Variants in TMOD3 observed in about 807,000 individuals in gnomAD.
TMOD3 encodes tropomodulin-3.
In TMOD3, 20 loss-of-function variants were observed where a neutral mutation model predicts 39.2. The observed-to-expected ratio is 0.51, with a 90% CI of 0.36 to 0.74. The LOEUF is 0.74. Ranked by LOEUF, TMOD3 falls within the 30% of genes least tolerant of loss-of-function variation. TMOD3 has a pLI of 0.00. For missense variants in TMOD3, 381 were observed against 412.8 expected (o/e 0.92, Z 0.67); for synonymous variants, 143 against 145.8 (o/e 0.98, Z 0.14).
At chr15:51,860,668 G>A in intron 1 of TMOD3, 1 of 493,218 alleles carries the variant, frequency 2.0e-6, no homozygotes, top group South Asian at 1.5e-5. Flanking sequence ...AGGCACGGTG[G>A]CTCATGCCTG....
At chr15:51,836,155 C>A (rs577489491) in intron 1 of TMOD3, among the ~76,000 whole-genome samples, 19 of 152,310 alleles carry the variant, frequency 1.2e-4, no homozygotes, top group Admixed American at 1.0e-3. Flanking sequence ...ATAATTCGCA[C>A]ACCATACAAT....
chr15:51,848,104 G>A (rs768834261), intron 1 of TMOD3, among the ~76,000 whole-genome samples: 2 of 152,176 alleles, frequency 1.3e-5, no homozygotes, highest in Non-Finnish European at 2.9e-5. Context: ...ATCTGCTGGT[G>A]TCTTATTGGA....
chr15:51,869,161 G>A (rs2056461940), intron 2 of TMOD3, 56 bp from the exon 3 acceptor site: 2 of 1,568,872 alleles, frequency 1.3e-6, no homozygotes, highest in Non-Finnish European at 1.7e-6. Flanking sequence ...ATCTTCGGAA[G>A]CATATAGCAT....
At chr15:51,895,399 T>C (rs778888231) in intron 6 of TMOD3, among the ~76,000 whole-genome samples, 17 of 150,682 alleles carry the variant, frequency 1.1e-4, no homozygotes, top group Non-Finnish European at 2.4e-4. Flanking sequence ...TTTGTATTTT[T>C]AGTAGAGATG....
At chr15:51,830,282 C>T (rs1457346027) in intron 1 of TMOD3, among the ~76,000 whole-genome samples, 1 of 152,162 alleles carries the variant, frequency 6.6e-6, no homozygotes, top group Non-Finnish European at 1.5e-5. Context: ...ACTTAGGGCA[C>T]ACCCTTTTTG....
Position 51,913,956 on chromosome 15 carries a change from T to G in TMOD3, c.*5146T>G, listed in dbSNP as rs1344522236. 1 of 141,854 alleles carries G rather than the reference T, an allele frequency of 7.0e-6. No individual in the cohort carries two copies. The highest frequency in any genetic ancestry group is 1.5e-5 in the Non-Finnish European group (1 of 66,832). The allele number at this position is 141,854 out of a possible 1,614,324, so 8.8% of individuals were successfully genotyped here. ...TGAGCCTAGGAGGTGGAGGTTGCAG[T>G]AAGATGAGATCATGCTGCTGTACTC... On this transcript the variant is annotated 3_prime_UTR_variant, in exon 10 of 10. Transcript: ENST00000308580.
chr15:51,879,909 C>G (rs2056524680), intron 3 of TMOD3, among the ~76,000 whole-genome samples: 1 of 127,562 alleles, frequency 7.8e-6, no homozygotes, highest in African/African-American at 2.9e-5. Context: ...ATTCTAGGAG[C>G]AACAAGAATA....
chr15:51,845,085 A>G (rs534932897), intron 1 of TMOD3, among the ~76,000 whole-genome samples: 1 of 152,296 alleles, frequency 6.6e-6, no homozygotes, highest in East Asian at 1.9e-4. Context: ...AGGGCAAGTC[A>G]GTATTTTTTT....
chr15:51,866,995 A>G (rs2056450189), intron 2 of TMOD3, among the ~76,000 whole-genome samples: 1 of 152,214 alleles, frequency 6.6e-6, no homozygotes, highest in African/African-American at 2.4e-5. Context: ...AATGAGTTGC[A>G]AAAAGGGATA....
Position 51,854,687 on chromosome 15 carries a change from C to T in TMOD3, c.-74-8124C>T, listed in dbSNP as rs571812984. Among the ~76,000 whole-genome samples the T allele has an allele frequency of 4.6e-5, 7 of 152,270 alleles. No individual in the cohort carries two copies. The East Asian group carries it at 1.4e-3, about 29-fold the overall frequency. ...CTTTTAAAGGAAAAAAGCTGTCGGG[C>T]CTCCTAGTGTTAATTGACAATCAAA... On this transcript the variant is annotated intron_variant, in intron 1 of 9. Transcript: ENST00000308580.
intron 7 of TMOD3, among the ~76,000 whole-genome samples, chr15:51,898,308 C>T (rs568743971): frequency 6.6e-6 from 1 of 152,312 alleles, no homozygotes; most frequent in Non-Finnish European, 1.5e-5. Flanking sequence ...TGTCTTATCA[C>T]TTTGACTCTT....
rs1349147544 is a variant in TMOD3 at position 51,912,080 on chromosome 15, C to G, written c.*3270C>G. ...AATTGTTTTCCAGTTGACCGAGTATCTGTTGTGTTTTTGTTTAAAAAGAGG... is the reference window on the plus strand; with the variant it reads ...AATTGTTTTCCAGTTGACCGAGTATGTGTTGTGTTTTTGTTTAAAAAGAGG... On this transcript the variant is annotated 3_prime_UTR_variant, in exon 10 of 10. Coordinates refer to ENST00000308580, the MANE Select transcript of TMOD3 (RefSeq NM_014547.5). 6.6e-6 allele frequency: 1 copy of G among 152,166 alleles called. No homozygotes were observed. Among genetic ancestry groups the G allele is most frequent in the Non-Finnish European group, 1.5e-5 (1 of 68,040 alleles). The allele number at this position is 152,166 out of a possible 1,614,324, so 9.4% of individuals were successfully genotyped here. A position where few individuals can be genotyped will look rare whatever the true frequency, so the allele number is the denominator to read the frequency against.
chr15:51,842,936 AT>A (rs765254571), intron 1 of TMOD3, among the ~76,000 whole-genome samples: 1 of 152,232 alleles, frequency 6.6e-6, no homozygotes, highest in Non-Finnish European at 1.5e-5. Flanking sequence ...TACCAGTGGT[AT>A]CTCTAAGTCA....
chr15:51,882,525 CT>C (rs2056540271), intron 3 of TMOD3, among the ~76,000 whole-genome samples: 1 of 152,078 alleles, frequency 6.6e-6, no homozygotes, highest in African/African-American at 2.4e-5. Flanking sequence ...AAACAAAAAA[CT>C]TTGCATGTGA....
rs537106014 is a variant in TMOD3, at chr15:51,905,485, TA to T, written c.1025-3278del. Reference sequence around the variant, plus strand: ...CTGGGCTACAGAGTGAGACTTTGTCTAAAAAAAAAAAAAGTGATATAAATAA... The same window carrying T: ...CTGGGCTACAGAGTGAGACTTTGTCTAAAAAAAAAAAAGTGATATAAATAA... On this transcript the variant is annotated intron_variant, in intron 9 of 9. Transcript: ENST00000308580. 6.3e-3 allele frequency among the ~76,000 whole-genome samples: 870 copies of T among 138,604 alleles called. 15 individuals carry two copies. The highest frequency in any genetic ancestry group is 0.011 in the East Asian group (54 of 4,802). 90.9% of individuals were successfully genotyped at this position (138,604 alleles called of 152,430 possible).
In TMOD3 at chr15:51,887,858, C is replaced by T. The variant is rs183940792; in HGVS notation, c.406+147C>T. On this transcript the variant is annotated intron_variant, in intron 4 of 9. Coordinates refer to ENST00000308580, the MANE Select transcript of TMOD3 (RefSeq NM_014547.5). ...CACATATTTGGCTTTATATTTTACACGGTAAAGCTGACGTAAAGAGTTTCA... is the reference window on the plus strand; with the variant it reads ...CACATATTTGGCTTTATATTTTACATGGTAAAGCTGACGTAAAGAGTTTCA... 3.3e-3 allele frequency: 3,059 copies of T among 934,948 alleles called. 10 individuals carry two copies. Among genetic ancestry groups the T allele is most frequent in the Non-Finnish European group, 4.2e-3 (2,665 of 640,560 alleles). 57.9% of individuals were successfully genotyped at this position (934,948 alleles called of 1,614,324 possible). A position where few individuals can be genotyped will look rare whatever the true frequency, so the allele number is the denominator to read the frequency against.
At chr15:51,904,945 A>G (rs1244283264) in intron 9 of TMOD3, among the ~76,000 whole-genome samples, 1 of 152,044 alleles carries the variant, frequency 6.6e-6, no homozygotes, top group East Asian at 1.9e-4. Context: ...TGTTCCGGGA[A>G]CTCTCTAGAC....
rs1255441686 is a variant in TMOD3, at chr15:51,910,703, A to C, written c.*1893A>C. 7 of 151,268 alleles carry C rather than the reference A, an allele frequency of 4.6e-5. No homozygotes were observed. The highest frequency in any genetic ancestry group is 8.8e-5 in the Non-Finnish European group (6 of 67,912). The allele number at this position is 151,268 out of a possible 1,614,324, so 9.4% of individuals were successfully genotyped here. ...TGTGCTATGGTAATAAGCCTTCTTAACAGGCTAAGCTTCCCTCATAAGAAC... is the reference window on the plus strand; with the variant it reads ...TGTGCTATGGTAATAAGCCTTCTTACCAGGCTAAGCTTCCCTCATAAGAAC... On this transcript the variant is annotated 3_prime_UTR_variant, in exon 10 of 10. Coordinates refer to ENST00000308580, the MANE Select transcript of TMOD3 (RefSeq NM_014547.5).
chr15:51,864,753 G>A (rs2056436693), intron 2 of TMOD3, among the ~76,000 whole-genome samples: 1 of 152,178 alleles, frequency 6.6e-6, no homozygotes, highest in Non-Finnish European at 1.5e-5. Flanking sequence ...CTAGTCTCTA[G>A]TTGTCCAGTA....
Sources: allele counts gnomAD v4.1 joint callset (sites outside exome capture counted in the v4.1 genomes callset), GRCh38; gene constraint gnomAD v4.1.1; transcripts MANE v1.5; gene names NCBI Gene and HGNC (gene_info 2026-07-23, HGNC 2026-07-21).